STPG2: variants seen among roughly 807,000 people sequenced by gnomAD.
The protein encoded by STPG2 is sperm-tail PG-rich repeat-containing protein 2.
Under a neutral mutation model 54.2 loss-of-function variants are expected in STPG2, and 56 were observed. The observed-to-expected ratio is 1.03, with a 90% CI of 0.83 to 1.29. The LOEUF (loss-of-function observed/expected upper bound fraction) is 1.29, where lower values mean the gene tolerates loss of function less well. Ranked by LOEUF, STPG2 falls within the 50% of genes most tolerant of loss-of-function variation. The pLI, the probability that STPG2 is intolerant of heterozygous loss-of-function variation, is 0.00. For synonymous variants in STPG2, 200 were observed against 181.8 expected (o/e 1.10, Z -0.81); for missense variants, 596 against 544.9 (o/e 1.09, Z -0.93).
rs187982168 is a variant in STPG2 at position 97,447,788 on chromosome 4, G to A, written c.463-259955C>T. On this transcript the variant is annotated intron_variant, in intron 4 of 4. Coordinates refer to the STPG2 transcript ENST00000522676. ...GCCCTTTTAGAGAATCTCTGCTAGA[G>A]CAGTGTGGAAGGGAAATGTAGGGTT... is the stretch of plus-strand genomic sequence containing the variant. Among the ~76,000 whole-genome samples the A allele has an allele frequency of 5.3e-5, 8 of 152,332 alleles. No individual in the cohort carries two copies. The East Asian group carries it at 1.2e-3, about 22-fold the overall frequency.
chr4:98,023,509 G>A (rs143945445), intron 5 of STPG2, among the ~76,000 whole-genome samples: 2,807 of 152,248 alleles, frequency 0.018, 72 homozygotes, highest in African/African-American at 0.063. Context: ...CAGTCTGCCC[G>A]TTCTCAGATC....
At chr4:97,832,991 T>C (rs1340651175) in intron 9 of STPG2, among the ~76,000 whole-genome samples, 1 of 152,020 alleles carries the variant, frequency 6.6e-6, no homozygotes, top group Non-Finnish European at 1.5e-5. Context: ...GACTTTCTTC[T>C]CAGTATTGGA....
chr4:97,980,614 A>T (rs950953960), intron 6 of STPG2, among the ~76,000 whole-genome samples: 1 of 152,212 alleles, frequency 6.6e-6, no homozygotes, highest in African/African-American at 2.4e-5. Context: ...CCTTCTAGCC[A>T]TCCCACAAAA....
intron 10 of STPG2, among the ~76,000 whole-genome samples, chr4:97,589,181 T>C (rs960615594): frequency 1.3e-5 from 2 of 152,002 alleles, no homozygotes; most frequent in Non-Finnish European, 2.9e-5. Flanking sequence ...TGTTCTCTTG[T>C]ATGTTTTTGT....
chr4:97,841,639 C>T (rs1728805361), intron 8 of STPG2, among the ~76,000 whole-genome samples: 2 of 151,636 alleles, frequency 1.3e-5, no homozygotes, highest in South Asian at 4.1e-4. Context: ...TGTATAAAGA[C>T]AAAAACTTTT....
At chr4:98,020,918 TATTA>T (rs1221034322) in intron 5 of STPG2, among the ~76,000 whole-genome samples, 1 of 152,112 alleles carries the variant, frequency 6.6e-6, no homozygotes, top group East Asian at 1.9e-4. Flanking sequence ...TTTTCTTCTT[TATTA>T]GTCTTGCTAG....
intron 2 of STPG2, among the ~76,000 whole-genome samples, chr4:98,129,171 T>G (rs1739914703): frequency 1.3e-5 from 2 of 152,242 alleles, no homozygotes. Flanking sequence ...GAAGCAAAGA[T>G]TCTTTCTCGT....
intron 10 of STPG2, among the ~76,000 whole-genome samples, chr4:97,583,273 T>A (rs1371823487): frequency 6.6e-6 from 1 of 151,846 alleles, no homozygotes; most frequent in Admixed American, 6.6e-5. Context: ...ATGGAAGAGG[T>A]GTTTTTAGGA....
intron 5 of STPG2, among the ~76,000 whole-genome samples, chr4:98,103,463 GA>G (rs1739103125): frequency 6.6e-6 from 1 of 151,810 alleles, no homozygotes; most frequent in South Asian, 2.1e-4. Flanking sequence ...CCAACATAGA[GA>G]AACCCTGTCT....
At chr4:97,532,671 G>C (rs1165238774) in intron 4 of STPG2, among the ~76,000 whole-genome samples, 1 of 152,172 alleles carries the variant, frequency 6.6e-6, no homozygotes, top group Non-Finnish European at 1.5e-5. Context: ...TGGGGTGACA[G>C]AAATGATTTG....
intron 5 of STPG2, among the ~76,000 whole-genome samples, chr4:98,037,262 C>T (rs768020119): frequency 6.6e-6 from 1 of 151,942 alleles, no homozygotes; most frequent in Non-Finnish European, 1.5e-5. Context: ...GCAAACGTAC[C>T]AGTAAATTTA....
At chr4:98,001,475 A>G (rs1250324573) in intron 5 of STPG2, among the ~76,000 whole-genome samples, 1 of 152,002 alleles carries the variant, frequency 6.6e-6, no homozygotes, top group Non-Finnish European at 1.5e-5. Context: ...CCTGCTCTTT[A>G]CAAGTCCAAA....
intron 10 of STPG2, among the ~76,000 whole-genome samples, chr4:97,598,118 T>C (rs1434871121): frequency 6.6e-6 from 1 of 151,668 alleles, no homozygotes; most frequent in Non-Finnish European, 1.5e-5. Flanking sequence ...GTCAAATCAA[T>C]AATGCAATCC....
intron 5 of STPG2, among the ~76,000 whole-genome samples, chr4:98,097,532 GA>G (rs1172700957): frequency 6.6e-6 from 1 of 152,120 alleles, no homozygotes. Flanking sequence ...TACTGAATGG[GA>G]AAAACTGGGA....
At chr4:97,716,807 G>A (rs1724304906) in intron 9 of STPG2, among the ~76,000 whole-genome samples, 1 of 151,538 alleles carries the variant, frequency 6.6e-6, no homozygotes, top group Admixed American at 6.6e-5. Flanking sequence ...GGTGCCTATG[G>A]CCACGTGCCA....
intron 4 of STPG2, among the ~76,000 whole-genome samples, chr4:97,513,689 C>A (rs1162883954): frequency 6.6e-6 from 1 of 151,990 alleles, no homozygotes; most frequent in Non-Finnish European, 1.5e-5. Context: ...AAATTTAATT[C>A]TAACAATCCT....
intron 4 of STPG2, among the ~76,000 whole-genome samples, chr4:97,513,207 G>A (rs1021424287): frequency 2.0e-5 from 3 of 152,040 alleles, no homozygotes; most frequent in African/African-American, 4.8e-5. Context: ...AACTGCACAG[G>A]GCAAGGTAAA....
chr4:98,107,778 T>TGAGA (rs34354551), intron 4 of STPG2, among the ~76,000 whole-genome samples: 59,395 of 150,922 alleles, frequency 0.39, 11,804 homozygotes, highest in Middle Eastern at 0.45. Flanking sequence ...AGAGAGACGG[T>TGAGA]GAGAGAGAGA....
chr4:97,770,669 C>T (rs898924962), intron 9 of STPG2, among the ~76,000 whole-genome samples: 3 of 152,116 alleles, frequency 2.0e-5, no homozygotes, highest in Non-Finnish European at 2.9e-5. Context: ...ATTAGAAGTG[C>T]TAAAAAGTTC....
Sources: allele counts gnomAD v4.1 joint callset (sites outside exome capture counted in the v4.1 genomes callset), GRCh38; gene constraint gnomAD v4.1.1; transcripts MANE v1.5; gene names NCBI Gene and HGNC (gene_info 2026-07-23, HGNC 2026-07-21).